Variants in CSMD1 observed in about 807,000 individuals in gnomAD.
CSMD1 encodes CUB and Sushi multiple domains 1.
In CSMD1, 213 loss-of-function variants were observed where a neutral mutation model predicts 417.5. That is an observed-to-expected ratio of 0.51 (90% confidence interval 0.46 to 0.57). The LOEUF (loss-of-function observed/expected upper bound fraction) is 0.57, where lower values mean the gene tolerates loss of function less well. CSMD1 is among the 20% of genes least tolerant of loss of function. The probability of loss-of-function intolerance (pLI) is 0.00; values close to 1 mark genes in which losing one functional copy is unlikely to be tolerated. For missense variants in CSMD1, 6,923 were observed against 4,529.7 expected (o/e 1.53, Z -15.17); for synonymous variants, 2,862 against 1,736.8 (o/e 1.65, Z -16.11).
chr8:4,196,900 C>G (rs1039805976), intron 3 of CSMD1, among the ~76,000 whole-genome samples: 1 of 152,194 alleles, frequency 6.6e-6, no homozygotes, highest in African/African-American at 2.4e-5. Flanking sequence ...TCATTAAATT[C>G]CCACATTTCT....
intron 5 of CSMD1, among the ~76,000 whole-genome samples, chr8:3,783,396 C>A (rs1209567376): frequency 6.6e-6 from 1 of 152,222 alleles, no homozygotes; most frequent in South Asian, 2.1e-4. Flanking sequence ...TGGGGTGACC[C>A]ACGGCTGGCA....
chr8:4,426,745 T>C lies in CSMD1; in HGVS notation c.303-6680A>G, dbSNP rs534253998. On this transcript the variant is annotated intron_variant, in intron 2 of 69. Coordinates refer to ENST00000635120, the MANE Select transcript of CSMD1 (RefSeq NM_033225.6). ...TACTATATACATTTATTATACAATA[T>C]AGTAATATAGTAATATTTTATATTA... is the stretch of plus-strand genomic sequence containing the variant. 7.4e-5 allele frequency among the ~76,000 whole-genome samples: 11 copies of C among 147,756 alleles called. No homozygotes were observed. In the South Asian group the frequency reaches 2.3e-3, roughly 31 times the overall value.
At position 4,856,796 on chromosome 8, in the gene CSMD1, G is replaced by A. The variant is rs560190674; in HGVS notation, c.85+137536C>T. 1.1e-4 allele frequency among the ~76,000 whole-genome samples: 17 copies of A among 150,664 alleles called. No individual in the cohort carries two copies. In the South Asian group the frequency reaches 3.6e-3, roughly 32 times the overall value. ...CCTGAGTGACCTACAAAGAGACTTA[G>A]ACTCCCACACATTAATAATGGGAGA... is the stretch of plus-strand genomic sequence containing the variant. On this transcript the variant is annotated intron_variant, in intron 1 of 69. Transcript: ENST00000635120.
chr8:2,975,980 A>G (rs1024332785), intron 55 of CSMD1, among the ~76,000 whole-genome samples: 1 of 152,252 alleles, frequency 6.6e-6, no homozygotes, highest in East Asian at 1.9e-4. Context: ...TGGGACAGAC[A>G]AAAACAAAAC....
chr8:4,601,429 A>G (rs1221037776), intron 2 of CSMD1, among the ~76,000 whole-genome samples: 7 of 152,156 alleles, frequency 4.6e-5, no homozygotes, highest in Admixed American at 2.6e-4. Flanking sequence ...CCTCAGACCC[A>G]CTTCTACAGG....
chr8:3,946,316 T>A lies in CSMD1; in HGVS notation c.818+51587A>T, dbSNP rs528255522. ...CTCAGTGGAAGTGTTATCTCTTCTT[T>A]ACGGAATTACCTCACATTTTCGTCA... On this transcript the variant is annotated intron_variant, in intron 5 of 69. Coordinates refer to ENST00000635120, the MANE Select transcript of CSMD1 (RefSeq NM_033225.6). Among the ~76,000 whole-genome samples, 4 of 152,274 alleles carry A rather than the reference T, an allele frequency of 2.6e-5. No individual in the cohort carries two copies. The East Asian group carries it at 7.7e-4, about 29-fold the overall frequency.
In CSMD1 at chr8:3,395,189, A is replaced by G. The variant is rs527305617; in HGVS notation, c.2593+1005T>C. Among the ~76,000 whole-genome samples the G allele has an allele frequency of 3.9e-5, 6 of 152,340 alleles. No individual in the cohort carries two copies. The East Asian group carries it at 1.2e-3, about 29-fold the overall frequency. ...TTTGTAAAATCATACGTGTGGGTATATGTAAATTTTAAAAACATCTTTACA... is the reference window on the plus strand; with the variant it reads ...TTTGTAAAATCATACGTGTGGGTATGTGTAAATTTTAAAAACATCTTTACA... On this transcript the variant is annotated intron_variant, in intron 17 of 69. Coordinates refer to ENST00000635120, the MANE Select transcript of CSMD1 (RefSeq NM_033225.6).
At chr8:4,638,015 G>T (rs940637393) in intron 1 of CSMD1, among the ~76,000 whole-genome samples, 2 of 152,106 alleles carry the variant, frequency 1.3e-5, no homozygotes, top group African/African-American at 4.8e-5. Context: ...AAATATTGAA[G>T]GATAAATTAA....
intron 5 of CSMD1, among the ~76,000 whole-genome samples, chr8:3,932,837 C>T (rs1396661850): frequency 6.7e-6 from 1 of 150,110 alleles, no homozygotes; most frequent in African/African-American, 2.5e-5. Context: ...CTTTTTTATG[C>T]TATTGTTATT....
chr8:3,815,991 A>G (rs1801346746), intron 5 of CSMD1, among the ~76,000 whole-genome samples: 1 of 152,196 alleles, frequency 6.6e-6, no homozygotes, highest in Non-Finnish European at 1.5e-5. Context: ...AAAGCATTAC[A>G]ACATCAAACT....
At chr8:4,298,860 A>T (rs1378252311) in intron 3 of CSMD1, among the ~76,000 whole-genome samples, 1 of 152,092 alleles carries the variant, frequency 6.6e-6, no homozygotes, top group Non-Finnish European at 1.5e-5. Flanking sequence ...AAATACTGGT[A>T]TAATTCTTTA....
chr8:4,444,891 C>G (rs748950680), intron 2 of CSMD1, among the ~76,000 whole-genome samples: 1 of 152,190 alleles, frequency 6.6e-6, no homozygotes, highest in African/African-American at 2.4e-5. Context: ...ATTGTTCAGA[C>G]TCTGACCTTG....
chr8:4,976,633 C>A (rs995641842), intron 1 of CSMD1, among the ~76,000 whole-genome samples: 1 of 152,170 alleles, frequency 6.6e-6, no homozygotes, highest in African/African-American at 2.4e-5. Context: ...GTGCTAAACT[C>A]ATTTGCTATG....
intron 21 of CSMD1, among the ~76,000 whole-genome samples, chr8:3,357,719 A>T (rs1428737746): frequency 6.6e-6 from 1 of 152,176 alleles, no homozygotes; most frequent in East Asian, 1.9e-4. Flanking sequence ...AGGAGTCTTT[A>T]GACTCCAACC....
chr8:4,647,153 G>C (rs1052373989), intron 1 of CSMD1, among the ~76,000 whole-genome samples: 2 of 151,846 alleles, frequency 1.3e-5, no homozygotes, highest in Non-Finnish European at 2.9e-5. Context: ...TCACAAATGG[G>C]TTCATATCCA....
At chr8:3,396,844 T>C (rs1053439469) in intron 16 of CSMD1, among the ~76,000 whole-genome samples, 2 of 151,970 alleles carry the variant, frequency 1.3e-5, no homozygotes, top group African/African-American at 2.4e-5. Context: ...ACAAAGAAGA[T>C]CATTAAAAAT....
intron 5 of CSMD1, among the ~76,000 whole-genome samples, chr8:3,825,640 C>T (rs1802015282): frequency 6.6e-6 from 1 of 152,094 alleles, no homozygotes; most frequent in South Asian, 2.1e-4. Context: ...TAAAAGACAA[C>T]AGCCAAATGC....
intron 1 of CSMD1, among the ~76,000 whole-genome samples, chr8:4,964,968 T>G (rs1276295706): frequency 6.6e-6 from 1 of 152,180 alleles, no homozygotes; most frequent in African/African-American, 2.4e-5. Context: ...TGCTACCTAT[T>G]GATTCCTTTT....
At chr8:3,645,347 T>C (rs1188600464) in intron 7 of CSMD1, among the ~76,000 whole-genome samples, 1 of 152,198 alleles carries the variant, frequency 6.6e-6, no homozygotes, top group African/African-American at 2.4e-5. Flanking sequence ...CAAAGACCTA[T>C]CCTAATTGAG....
Sources: allele counts gnomAD v4.1 joint callset (sites outside exome capture counted in the v4.1 genomes callset), GRCh38; gene constraint gnomAD v4.1.1; transcripts MANE v1.5; gene names NCBI Gene and HGNC (gene_info 2026-07-23, HGNC 2026-07-21).